SLC5A8: variants seen among roughly 807,000 people sequenced by gnomAD.
SLC5A8 encodes the protein solute carrier family 5 member 8.
SLC5A8 carries 55 observed loss-of-function variants against 71.9 expected under a neutral mutation model. The ratio of observed to expected loss-of-function variants is 0.77; its 90% confidence interval spans 0.62 to 0.96. SLC5A8 has a LOEUF of 0.96. Among genes scored for constraint, SLC5A8 ranks in the 40% least tolerant of loss-of-function variants. SLC5A8 has a pLI of 0.00. For synonymous variants in SLC5A8, 307 were observed against 276.1 expected (o/e 1.11, Z -1.11); for missense variants, 701 against 745.3 (o/e 0.94, Z 0.69).
At chr12:101,171,899 G>A (rs778537325) in intron 10 of SLC5A8, among the ~76,000 whole-genome samples, 1 of 152,176 alleles carries the variant, frequency 6.6e-6, no homozygotes, top group Non-Finnish European at 1.5e-5. Context: ...CGGGCACACT[G>A]GGGCTTGGAA....
chr12:101,181,430 T>C (rs890153382), intron 9 of SLC5A8, among the ~76,000 whole-genome samples: 2 of 152,238 alleles, frequency 1.3e-5, no homozygotes, highest in Admixed American at 6.5e-5. Flanking sequence ...TGTGATTTCA[T>C]AGTACCCTTT....
intron 13 of SLC5A8, among the ~76,000 whole-genome samples, chr12:101,160,243 TTAA>T (rs1451068254): frequency 1.3e-5 from 2 of 152,042 alleles, no homozygotes; most frequent in Non-Finnish European, 1.5e-5. Flanking sequence ...ACCAAACAAA[TTAA>T]TAAACCTACT....
intron 9 of SLC5A8, among the ~76,000 whole-genome samples, chr12:101,181,667 G>T (rs571095486): frequency 2.2e-4 from 33 of 152,286 alleles, no homozygotes; most frequent in African/African-American, 6.5e-4. Flanking sequence ...GACTGGGTTT[G>T]TCTGGCTTCA....
chr12:101,180,013 A>G lies in SLC5A8; in HGVS notation c.1233+16T>C, dbSNP rs753916816. ...TTAGTGATTTATGACTTAAACCTCC[A>G]GGGGCCAGCTCTCACCTGCAACAAA... On this transcript the variant is annotated intron_variant, in intron 10 of 14. Coordinates refer to ENST00000536262, the MANE Select transcript of SLC5A8 (RefSeq NM_145913.5). 1 of 1,613,882 alleles carries G rather than the reference A, an allele frequency of 6.2e-7. No individual in the cohort carries two copies. Among genetic ancestry groups the G allele is most frequent in the South Asian group, 1.1e-5 (1 of 91,066 alleles).
intron 10 of SLC5A8, among the ~76,000 whole-genome samples, chr12:101,176,813 T>C (rs1429426507): frequency 6.6e-6 from 1 of 151,862 alleles, no homozygotes; most frequent in East Asian, 1.9e-4. Flanking sequence ...TTTTCAGCAA[T>C]AAATGCACAC....
rs560886438 is a variant in SLC5A8, at chr12:101,186,974, C to T, written c.963+412G>A. Among the ~76,000 whole-genome samples the T allele has an allele frequency of 2.6e-5, 4 of 152,236 alleles. No homozygotes were observed. The East Asian group carries it at 7.7e-4, about 29-fold the overall frequency. On this transcript the variant is annotated intron_variant, in intron 7 of 14. Transcript: ENST00000536262. ...GTAAATATTCACTTATTGGATCCATCTCTCCATCATTTAAAAAATTGGAAG... is the reference window on the plus strand; with the variant it reads ...GTAAATATTCACTTATTGGATCCATTTCTCCATCATTTAAAAAATTGGAAG...
chr12:101,191,226 A>G (rs1868896032), intron 5 of SLC5A8, among the ~76,000 whole-genome samples: 1 of 152,238 alleles, frequency 6.6e-6, no homozygotes, highest in Non-Finnish European at 1.5e-5. Flanking sequence ...GACATCATGT[A>G]CATAAGTCCA....
rs1189800519 is a variant in SLC5A8 at position 101,180,169 on chromosome 12, C to T, written c.1166-73G>A. 1.5e-5 allele frequency: 22 copies of T among 1,439,438 alleles called. No individual in the cohort carries two copies. In the South Asian group the frequency reaches 2.5e-4, roughly 16 times the overall value. 89.2% of individuals were successfully genotyped at this position (1,439,438 alleles called of 1,614,324 possible). A position where few individuals can be genotyped will look rare whatever the true frequency, so the allele number is the denominator to read the frequency against. ...TAGAATTCTCAATAGAATAATCCACCACACCTTTGATTCAAAGTGGATAAT... is the reference window on the plus strand; with the variant it reads ...TAGAATTCTCAATAGAATAATCCACTACACCTTTGATTCAAAGTGGATAAT... On this transcript the variant is annotated intron_variant, in intron 9 of 14. Transcript: ENST00000536262.
At position 101,209,487 on chromosome 12, in the gene SLC5A8, CTG is replaced by C; in HGVS notation, c.351+9_351+10del. ...GCGCCCTGCATGGTCCCAGCCCACCCTGCCCCTTACCTCGTAGGTGCTGGTAA... is the reference window on the plus strand; with the variant it reads ...GCGCCCTGCATGGTCCCAGCCCACCCCCCCTTACCTCGTAGGTGCTGGTAA... On this transcript the variant is annotated intron_variant, in intron 1 of 14. Transcript: ENST00000536262. 13 of 1,547,638 alleles carry C rather than the reference CTG, an allele frequency of 8.4e-6. No individual in the cohort carries two copies. Among genetic ancestry groups the C allele is most frequent in the Non-Finnish European group, 1.1e-5 (13 of 1,137,502 alleles).
intron 3 of SLC5A8, among the ~76,000 whole-genome samples, chr12:101,200,000 T>C (rs1266333489): frequency 4.4e-5 from 1 of 22,624 alleles, no homozygotes; most frequent in Non-Finnish European, 9.1e-5. Context: ...TAAAATGAAG[T>C]ACTACCAGCA....
intron 11 of SLC5A8, 144 bp downstream of exon 11, chr12:101,167,952 T>G (rs2051788741): frequency 1.3e-6 from 1 of 795,102 alleles, no homozygotes; most frequent in Non-Finnish European, 2.0e-6. Flanking sequence ...CCTTGTACAC[T>G]CCACCAAAGT....
At chr12:101,163,312 C>G (rs1224623209) in intron 12 of SLC5A8, among the ~76,000 whole-genome samples, 2 of 152,174 alleles carry the variant, frequency 1.3e-5, no homozygotes, top group Non-Finnish European at 2.9e-5. Flanking sequence ...AACAATCATT[C>G]TGCTGAGAAC....
chr12:101,180,717 T>A (rs1446646393), intron 9 of SLC5A8, among the ~76,000 whole-genome samples: 1 of 150,520 alleles, frequency 6.6e-6, no homozygotes, highest in Non-Finnish European at 1.5e-5. Context: ...CAGACTTCTT[T>A]AAAAAAATTT....
At chr12:101,179,057 T>A (rs999486782) in intron 10 of SLC5A8, among the ~76,000 whole-genome samples, 13 of 152,160 alleles carry the variant, frequency 8.5e-5, no homozygotes, top group African/African-American at 3.1e-4. Flanking sequence ...CTGAAAAACA[T>A]TTTCAACATC....
At chr12:101,172,379 T>C (rs1057464485) in intron 10 of SLC5A8, among the ~76,000 whole-genome samples, 5 of 151,984 alleles carry the variant, frequency 3.3e-5, no homozygotes, top group African/African-American at 1.2e-4. Context: ...AGATGGGTGG[T>C]AGGTCAGTGG....
At chr12:101,185,398 T>C (rs1014496369) in intron 7 of SLC5A8, among the ~76,000 whole-genome samples, 1 of 152,124 alleles carries the variant, frequency 6.6e-6, no homozygotes, top group African/African-American at 2.4e-5. Context: ...CAAAAATCTG[T>C]GGTGTAATTA....
Position 101,157,186 on chromosome 12 carries a change from AC to A in SLC5A8, c.*92del. On this transcript the variant is annotated 3_prime_UTR_variant, in exon 15 of 15. Transcript: ENST00000536262. ...ATCCCCCAAACACTCATGATACAAC[AC>A]ACACACACACACAAAGAAAACCTGA... 1 of 1,430,638 alleles carries A rather than the reference AC, an allele frequency of 7.0e-7. No individual in the cohort carries two copies. The highest frequency in any genetic ancestry group is 1.4e-5 in the South Asian group (1 of 70,838). The allele number at this position is 1,430,638 out of a possible 1,614,324, so 88.6% of individuals were successfully genotyped here. A position where few individuals can be genotyped will look rare whatever the true frequency, so the allele number is the denominator to read the frequency against.
Position 101,184,207 on chromosome 12 carries a change from C to T in SLC5A8, c.979G>A (p.Val327Ile). 1.2e-6 allele frequency: 2 copies of T among 1,614,064 alleles called. No individual in the cohort carries two copies. The highest frequency in any genetic ancestry group is 1.7e-6 in the Non-Finnish European group (2 of 1,179,982). Residue 327 changes from valine (V) to isoleucine (I), a missense_variant, in exon 8 of 15, where the codon GTA becomes ATA. Val to Ile is a conservative substitution (Grantham distance 29, BLOSUM62 3). Transcript: ENST00000536262. ...SAPDQLMPYL[V>I]LDILQDYPGL... is the part of the protein sequence containing the mutation. ...GGATAATCTTGCAGAATGTCCAGTA[C>T]CAAATAAGGCATGAGCTGAAAAATT...
chr12:101,173,789 T>C (rs1566310585), intron 10 of SLC5A8, among the ~76,000 whole-genome samples: 1 of 152,206 alleles, frequency 6.6e-6, no homozygotes, highest in African/African-American at 2.4e-5. Flanking sequence ...GCAGGTAAGC[T>C]TCACCTTTGC....
Sources: gnomAD v4.1 joint callset for allele counts (sites outside exome capture counted in the v4.1 genomes callset) on GRCh38, gnomAD v4.1.1 for gene constraint, MANE v1.5 for transcripts, NCBI Gene and HGNC (gene_info 2026-07-23, HGNC 2026-07-21) for gene names.